Variants in GRIP1 observed in about 807,000 individuals in gnomAD.
The protein encoded by GRIP1 is glutamate receptor interacting protein 1.
A neutral mutation model predicts 129.9 loss-of-function variants in GRIP1; 45 were observed. The observed-to-expected ratio is 0.35, with a 90% CI of 0.27 to 0.44. GRIP1 has a LOEUF of 0.44. Ranked by LOEUF, GRIP1 falls within the 20% of genes least tolerant of loss-of-function variation. The pLI, the probability that GRIP1 is intolerant of heterozygous loss-of-function variation, is 1.00. For synonymous variants in GRIP1, 530 were observed against 520.8 expected (o/e 1.02, Z -0.24); for missense variants, 1,196 against 1,396.8 (o/e 0.86, Z 2.29).
intron 1 of GRIP1, among the ~76,000 whole-genome samples, chr12:66,641,959 T>C (rs2031967647): frequency 1.3e-5 from 2 of 152,150 alleles, no homozygotes; most frequent in African/African-American, 2.4e-5. Flanking sequence ...ATAAAGATCA[T>C]AGTGTTGTAG....
At chr12:66,713,262 A>C (rs139889880) in intron 1 of GRIP1, among the ~76,000 whole-genome samples, 202 of 152,126 alleles carry the variant, frequency 1.3e-3, no homozygotes, top group African/African-American at 4.7e-3. Flanking sequence ...GAAATAGAGC[A>C]TCTCTTATGA....
In GRIP1 at chr12:67,030,198, G is replaced by A. The variant is rs544503065; in HGVS notation, c.58+38852C>T. On this transcript the variant is annotated intron_variant, in intron 1 of 1. Transcript: ENST00000643019. The stretch of plus-strand genomic sequence containing the variant: ...TGCACTCCAGCCTGGGTAACAGAGC[G>A]AGACTCTGTCTCAAATAATAATAAT... Among the ~76,000 whole-genome samples the A allele has an allele frequency of 2.4e-4, 35 of 148,436 alleles. 1 individual carries two copies. In the South Asian group the frequency reaches 5.1e-3, roughly 22 times the overall value.
intron 15 of GRIP1, among the ~76,000 whole-genome samples, chr12:66,420,488 G>C (rs976999575): frequency 2.8e-5 from 4 of 143,044 alleles, no homozygotes; most frequent in Non-Finnish European, 4.5e-5. Context: ...CTAGATTCAT[G>C]AAAGACCCTA....
chr12:67,012,328 G>A (rs1469405729), intron 1 of GRIP1, among the ~76,000 whole-genome samples: 1 of 152,106 alleles, frequency 6.6e-6, no homozygotes, highest in Non-Finnish European at 1.5e-5. Context: ...TTAAGAATTA[G>A]AACTGACCAA....
At chr12:66,859,511 G>C (rs2137112019) in intron 1 of GRIP1, among the ~76,000 whole-genome samples, 1 of 152,064 alleles carries the variant, frequency 6.6e-6, no homozygotes, top group East Asian at 1.9e-4. Flanking sequence ...AGAAAAAAAA[G>C]TGACTCTGAA....
At chr12:66,833,244 A>C (rs2039550546) in intron 1 of GRIP1, among the ~76,000 whole-genome samples, 1 of 152,048 alleles carries the variant, frequency 6.6e-6, no homozygotes, top group Admixed American at 6.6e-5. Context: ...TAGGGTGTGT[A>C]CTCTACAGTG....
chr12:66,901,174 A>G (rs557099482), intron 1 of GRIP1, among the ~76,000 whole-genome samples: 1 of 152,372 alleles, frequency 6.6e-6, no homozygotes, highest in Admixed American at 6.5e-5. Flanking sequence ...TTCAAACTGA[A>G]ATGTACAGCT....
chr12:67,061,726 A>G (rs756094884), intron 1 of GRIP1, among the ~76,000 whole-genome samples: 1 of 152,192 alleles, frequency 6.6e-6, no homozygotes, highest in Non-Finnish European at 1.5e-5. Flanking sequence ...TAAATTGTAT[A>G]TAAATAAAAG....
At chr12:67,068,082 C>G (rs1047421069) in intron 1 of GRIP1, among the ~76,000 whole-genome samples, 21 of 152,214 alleles carry the variant, frequency 1.4e-4, no homozygotes, top group African/African-American at 4.6e-4. Context: ...GCACATCCCT[C>G]TAGCCCCATG....
chr12:66,361,308 C>T (rs1371778890), intron 23 of GRIP1, among the ~76,000 whole-genome samples: 1 of 152,038 alleles, frequency 6.6e-6, no homozygotes, highest in African/African-American at 2.4e-5. Context: ...CAGTGTGGCA[C>T]CAAGAGCTGG....
chr12:66,968,025 A>G (rs1278199889), intron 1 of GRIP1, among the ~76,000 whole-genome samples: 1 of 152,176 alleles, frequency 6.6e-6, no homozygotes, highest in Non-Finnish European at 1.5e-5. Flanking sequence ...TCAACTAGTG[A>G]AAGAGGGGTG....
At chr12:66,597,042 G>A in intron 1 of GRIP1, 115 bp from the exon 2 acceptor site, 2 of 787,724 alleles carry the variant, frequency 2.5e-6, no homozygotes, top group Non-Finnish European at 4.6e-6. Context: ...ACAGTGGAAA[G>A]TGTCGGTAGG....
intron 2 of GRIP1, among the ~76,000 whole-genome samples, chr12:66,546,429 G>T (rs2061948411): frequency 6.6e-6 from 1 of 152,014 alleles, no homozygotes. Context: ...GGTCAAGGCT[G>T]CAGTAAGCTA....
chr12:66,490,704 C>A (rs1307938451), intron 7 of GRIP1, among the ~76,000 whole-genome samples: 1 of 151,978 alleles, frequency 6.6e-6, no homozygotes, highest in East Asian at 1.9e-4. Flanking sequence ...AGAATTTTTG[C>A]AATTTATACA....
intron 1 of GRIP1, among the ~76,000 whole-genome samples, chr12:66,990,491 G>A (rs562373653): frequency 6.6e-6 from 1 of 152,208 alleles, no homozygotes; most frequent in East Asian, 1.9e-4. Flanking sequence ...AGAGAAAAGA[G>A]GGAAGAAGGA....
intron 1 of GRIP1, among the ~76,000 whole-genome samples, chr12:66,774,300 T>G (rs2037912226): frequency 6.6e-6 from 1 of 152,194 alleles, no homozygotes; most frequent in African/African-American, 2.4e-5. Flanking sequence ...TGTTTTCCTA[T>G]GAAAATGCTC....
At chr12:66,510,781 C>A (rs940873161) in intron 7 of GRIP1, among the ~76,000 whole-genome samples, 6 of 151,988 alleles carry the variant, frequency 3.9e-5, no homozygotes, top group Admixed American at 1.3e-4. Flanking sequence ...ACATACACCA[C>A]ACACACACAC....
intron 1 of GRIP1, among the ~76,000 whole-genome samples, chr12:66,695,586 G>T (rs1725787557): frequency 6.6e-6 from 1 of 152,208 alleles, no homozygotes; most frequent in Admixed American, 6.5e-5. Flanking sequence ...AACTGCTACA[G>T]TGTTGTTGCT....
chr12:66,429,542 A>T (rs1032917430), intron 14 of GRIP1, among the ~76,000 whole-genome samples: 3 of 152,058 alleles, frequency 2.0e-5, no homozygotes, highest in Non-Finnish European at 4.4e-5. Context: ...ACAAAAATTT[A>T]AAAATTAGCC....
Sources: allele counts gnomAD v4.1 joint callset (sites outside exome capture counted in the v4.1 genomes callset), GRCh38; gene constraint gnomAD v4.1.1; transcripts MANE v1.5; gene names NCBI Gene and HGNC (gene_info 2026-07-23, HGNC 2026-07-21).